YAP1: variants seen among roughly 807,000 people sequenced by gnomAD.
YAP1 encodes Yes1 associated transcriptional regulator, also known as transcriptional coactivator YAP1.
In YAP1, 5 loss-of-function variants were observed where a neutral mutation model predicts 56.9. The ratio of observed to expected loss-of-function variants is 0.09; its 90% CI spans 0.05 to 0.18. The LOEUF (loss-of-function observed/expected upper bound fraction) is 0.18, where lower values mean the gene tolerates loss of function less well. Ranked by LOEUF, YAP1 falls within the 10% of genes least tolerant of loss-of-function variation. YAP1 has a pLI of 1.00. For synonymous variants in YAP1, 265 were observed against 248.1 expected, an observed-to-expected ratio of 1.07 and a Z score of -0.64; for missense variants, 539 against 651.8, an observed-to-expected ratio of 0.83 and a Z score of 1.88.
chr11:102,129,178 A>C (rs1247604385), intron 2 of YAP1, among the ~76,000 whole-genome samples: 1 of 152,240 alleles, frequency 6.6e-6, no homozygotes, highest in African/African-American at 2.4e-5. Context: ...CATTTAATAG[A>C]GAACTCAAAA....
chr11:102,222,223 G>A (rs1236716201), intron 6 of YAP1, among the ~76,000 whole-genome samples: 1 of 152,206 alleles, frequency 6.6e-6, no homozygotes, highest in Non-Finnish European at 1.5e-5. Flanking sequence ...TCAGAAAGCT[G>A]TGTGGAAGGA....
At chr11:102,120,743 G>A (rs906317877) in intron 2 of YAP1, among the ~76,000 whole-genome samples, 6 of 152,192 alleles carry the variant, frequency 3.9e-5, no homozygotes, top group African/African-American at 1.4e-4. Flanking sequence ...TTAGAGAGTT[G>A]ATACTTGCAT....
At chr11:102,201,312 A>G (rs994294973) in intron 4 of YAP1, among the ~76,000 whole-genome samples, 4 of 152,170 alleles carry the variant, frequency 2.6e-5, no homozygotes, top group African/African-American at 9.6e-5. Context: ...GCTACCATAT[A>G]TCAAAGAAGA....
chr11:102,186,134 A>G lies in YAP1; in HGVS notation c.802+3A>G. The G allele has an allele frequency of 1.2e-6, 2 of 1,611,048 alleles. No homozygotes were observed. The highest frequency in any genetic ancestry group is 1.1e-5 in the South Asian group (1 of 90,274). ...CCCAAGGCTTGACCCTCGTTTTGGT[A>G]AAGGTTCATCTCAAAACCTTTTTAG... On this transcript the variant is annotated splice_donor_region_variant and intron_variant, in intron 4 of 8. Transcript: ENST00000282441.
At chr11:102,193,153 G>T (rs1411436240) in intron 4 of YAP1, among the ~76,000 whole-genome samples, 1 of 152,158 alleles carries the variant, frequency 6.6e-6, no homozygotes, top group African/African-American at 2.4e-5. Context: ...CAGGCCATGT[G>T]CTTAGCAAAA....
At position 102,114,235 on chromosome 11, in the gene YAP1, C is replaced by A; in HGVS notation, c.413C>A (p.Ser138Tyr). 1 of 1,614,106 alleles carries A rather than the reference C, an allele frequency of 6.2e-7. No individual in the cohort carries two copies. ...SPASLQLGAV[S>Y]PGTLTPTGVV... ...GCTTCTCTGCAGTTGGGAGCTGTTTCTCCTGGGACACTGACCCCCACTGGA... is the reference window on the plus strand; with the variant it reads ...GCTTCTCTGCAGTTGGGAGCTGTTTATCCTGGGACACTGACCCCCACTGGA... The change falls in exon 2 of 9, where the codon TCT (serine) becomes TAT (tyrosine). Residue 138 changes from serine (S) to tyrosine (Y), a missense_variant. Around this residue, in one of 4 missense-constraint regions of YAP1, gnomAD observed 414 missense variants for 512.4 expected, o/e 0.81. Coordinates refer to ENST00000282441, the MANE Select transcript of YAP1 (RefSeq NM_001130145.3).
chr11:102,214,298 A>G (rs1370709738), intron 6 of YAP1, among the ~76,000 whole-genome samples: 1 of 152,186 alleles, frequency 6.6e-6, no homozygotes, highest in Non-Finnish European at 1.5e-5. Flanking sequence ...GCCATTCCTT[A>G]TAGGTGGTAA....
chr11:102,209,533 A>G lies in YAP1; in HGVS notation c.1001A>G (p.Asn334Ser). The stretch of plus-strand genomic sequence containing the variant: ...TACTCTTAGGCAATGCGGAATATCA[A>G]TCCCAGCACAGCAAATTCTCCAAAA... ...ELLRQAMRNI[N>S]PSTANSPKCQ... Residue 334 changes from asparagine (N) to serine (S), a missense_variant, in exon 6 of 9, where the codon AAT becomes AGT. Transcript: ENST00000282441. 3 of 1,602,898 alleles carry G rather than the reference A, an allele frequency of 1.9e-6. No homozygotes were observed. Among genetic ancestry groups the G allele is most frequent in the Non-Finnish European group, 2.5e-6 (3 of 1,176,616 alleles).
chr11:102,138,632 C>A (rs1260464997), intron 2 of YAP1, among the ~76,000 whole-genome samples: 1 of 152,272 alleles, frequency 6.6e-6, no homozygotes, highest in African/African-American at 2.4e-5. Context: ...ACCCGTGTTT[C>A]GTTTAATTAC....
chr11:102,121,573 A>G (rs1305189395), intron 2 of YAP1, among the ~76,000 whole-genome samples: 3 of 152,112 alleles, frequency 2.0e-5, no homozygotes, highest in African/African-American at 7.2e-5. Context: ...CAATGCATCC[A>G]TACTGTCTAT....
rs547035449 is a variant in YAP1 at position 102,173,431 on chromosome 11, C to G, written c.688+10860C>G. Among the ~76,000 whole-genome samples the G allele has an allele frequency of 5.3e-5, 8 of 152,150 alleles. No homozygotes were observed. The East Asian group carries it at 1.5e-3, about 29-fold the overall frequency. On this transcript the variant is annotated intron_variant, in intron 3 of 8. Coordinates refer to ENST00000282441, the MANE Select transcript of YAP1 (RefSeq NM_001130145.3). ...CATTTGAATTTTGAAATCCAAATAT[C>G]TCATTTTCTTATATTTAAAGCTACT...
chr11:102,195,159 A>G (rs1397013822), intron 4 of YAP1, among the ~76,000 whole-genome samples: 3 of 152,214 alleles, frequency 2.0e-5, no homozygotes, highest in Non-Finnish European at 2.9e-5. Context: ...GGGGACAAAG[A>G]GAGCTGAAAG....
intron 2 of YAP1, among the ~76,000 whole-genome samples, chr11:102,154,484 G>GTA (rs931765808): frequency 1.4e-4 from 21 of 151,980 alleles, no homozygotes; most frequent in East Asian, 5.8e-4. Context: ...ACATGCATGT[G>GTA]TATATATATA....
At chr11:102,157,890 A>T (rs1213085349) in intron 2 of YAP1, among the ~76,000 whole-genome samples, 2 of 152,218 alleles carry the variant, frequency 1.3e-5, no homozygotes, top group Non-Finnish European at 2.9e-5. Context: ...GACAGTCTTA[A>T]AGGTGTGTTA....
rs556101481 is a variant in YAP1, at chr11:102,198,169, T to G, written c.803-7724T>G. ...TACATAATTTTGTGCAAGTTTCTGT[T>G]TAATTCTGTGGACTGGTTCTTCCTT... On this transcript the variant is annotated intron_variant, in intron 4 of 8. Transcript: ENST00000282441. Among the ~76,000 whole-genome samples the G allele has an allele frequency of 3.9e-5, 6 of 152,336 alleles. No homozygotes were observed. The South Asian group carries it at 1.2e-3, about 32-fold the overall frequency.
At chr11:102,184,524 C>CT (rs1947845054) in intron 3 of YAP1, among the ~76,000 whole-genome samples, 1 of 152,334 alleles carries the variant, frequency 6.6e-6, no homozygotes, top group East Asian at 1.9e-4. Flanking sequence ...ATGGAGAAAA[C>CT]TAATTCCACA....
At chr11:102,218,537 C>G (rs180751891) in intron 6 of YAP1, among the ~76,000 whole-genome samples, 31 of 152,316 alleles carry the variant, frequency 2.0e-4, no homozygotes, top group African/African-American at 7.2e-4. Flanking sequence ...GAAAGGCTAA[C>G]TATATTTGTT....
At chr11:102,135,057 C>T (rs538919238) in intron 2 of YAP1, among the ~76,000 whole-genome samples, 165 of 152,200 alleles carry the variant, frequency 1.1e-3, no homozygotes, top group Non-Finnish European at 1.9e-3. Flanking sequence ...TTAGTAGATT[C>T]GGGATTTCAC....
At chr11:102,114,115 TAA>T in intron 1 of YAP1, 27 bp from the exon 2 acceptor site, 2 of 1,554,168 alleles carry the variant, frequency 1.3e-6, no homozygotes, top group Admixed American at 1.9e-5. Context: ...TTTTCTTTTT[TAA>T]TTTTTCATCT....
Sources: gnomAD v4.1 joint callset for allele counts (sites outside exome capture counted in the v4.1 genomes callset) on GRCh38, gnomAD v4.1.1 for gene constraint, gnomAD v4.1.1 regional missense constraint, MANE v1.5 for transcripts, NCBI Gene and HGNC (gene_info 2026-07-23, HGNC 2026-07-21) for gene names.